The following TTC28 variants were observed in gnomAD, a reference collection of about 807,000 sequenced individuals.
TTC28 encodes the protein tetratricopeptide repeat protein 28.
Under a neutral mutation model 198.0 loss-of-function variants are expected in TTC28, and 61 were observed. That is an observed-to-expected ratio of 0.31 (90% CI 0.25 to 0.38). TTC28 has a LOEUF of 0.38. Among genes scored for constraint, TTC28 ranks in the 10% least tolerant of loss-of-function variants. The pLI, the probability that TTC28 is intolerant of heterozygous loss-of-function variation, is 1.00. For synonymous variants in TTC28, 1,171 were observed against 1,297.8 expected (o/e 0.90, Z 2.10); for missense variants, 2,678 against 3,164.0 (o/e 0.85, Z 3.69).
At chr22:28,430,867 G>A (rs1200360087) in intron 2 of TTC28, among the ~76,000 whole-genome samples, 3 of 145,090 alleles carry the variant, frequency 2.1e-5, no homozygotes, top group Non-Finnish European at 3.0e-5. Context: ...GCCAAACTGA[G>A]ATTCCTTACC....
intron 2 of TTC28, among the ~76,000 whole-genome samples, chr22:28,408,361 T>C (rs2047030953): frequency 6.6e-6 from 1 of 152,052 alleles, no homozygotes. Flanking sequence ...ATAAACACAA[T>C]TAGAAAACAC....
At chr22:28,066,122 A>AT (rs908420235) in intron 12 of TTC28, among the ~76,000 whole-genome samples, 3 of 151,346 alleles carry the variant, frequency 2.0e-5, no homozygotes, top group African/African-American at 4.9e-5. Context: ...AGATATCTCT[A>AT]TTTTTTTTTC....
At chr22:28,142,195 A>G (rs1423395503) in intron 6 of TTC28, among the ~76,000 whole-genome samples, 3 of 152,240 alleles carry the variant, frequency 2.0e-5, no homozygotes, top group Non-Finnish European at 4.4e-5. Context: ...TGCTTTATTC[A>G]GGCAAAGTAA....
chr22:28,347,047 G>A (rs2045913095), intron 2 of TTC28, among the ~76,000 whole-genome samples: 1 of 152,118 alleles, frequency 6.6e-6, no homozygotes, highest in Admixed American at 6.5e-5. Flanking sequence ...CAGATCACTT[G>A]AGGTCAGGAG....
chr22:28,232,591 A>T (rs1928896121), intron 5 of TTC28, among the ~76,000 whole-genome samples: 1 of 152,204 alleles, frequency 6.6e-6, no homozygotes, highest in South Asian at 2.1e-4. Flanking sequence ...AAACCAACAG[A>T]ACCCAACTAT....
intron 2 of TTC28, among the ~76,000 whole-genome samples, chr22:28,466,921 G>A: frequency 6.6e-6 from 1 of 151,766 alleles, no homozygotes; most frequent in Non-Finnish European, 1.5e-5. Flanking sequence ...GGAGGCAACT[G>A]TCACTTTAAT....
chr22:28,486,417 G>T (rs2048315658), intron 2 of TTC28, among the ~76,000 whole-genome samples: 1 of 152,082 alleles, frequency 6.6e-6, no homozygotes, highest in Non-Finnish European at 1.5e-5. Context: ...TGTCCCAAGT[G>T]GCAAAGTCAA....
rs542435905 is a variant in TTC28, at chr22:28,142,997, C to T, written c.1441+20095G>A. On this transcript the variant is annotated intron_variant, in intron 6 of 22. Coordinates refer to ENST00000397906, the MANE Select transcript of TTC28 (RefSeq NM_001145418.2). ...TGTGAAATGTCCTTCAACAACAGCA[C>T]TTGGATAGTGGTCGCATTTTCTGTT... Among the ~76,000 whole-genome samples, 4 of 152,270 alleles carry T rather than the reference C, an allele frequency of 2.6e-5. No homozygotes were observed. In the South Asian group the frequency reaches 6.2e-4, roughly 24 times the overall value.
chr22:28,304,182 G>A (rs1307346597), intron 3 of TTC28, among the ~76,000 whole-genome samples: 3 of 152,072 alleles, frequency 2.0e-5, no homozygotes, highest in Non-Finnish European at 4.4e-5. Context: ...CTACTCAGGA[G>A]GCTGAGGCAG....
At chr22:28,109,522 A>C (rs1396726224) in intron 6 of TTC28, among the ~76,000 whole-genome samples, 1 of 152,244 alleles carries the variant, frequency 6.6e-6, no homozygotes, top group Non-Finnish European at 1.5e-5. Context: ...TTTTACAATC[A>C]ACAATAACAG....
intron 5 of TTC28, among the ~76,000 whole-genome samples, chr22:28,200,075 T>C (rs1925791954): frequency 6.6e-6 from 1 of 152,146 alleles, no homozygotes; most frequent in Admixed American, 6.6e-5. Flanking sequence ...AAATAAAACT[T>C]TATTTTTATA....
intron 2 of TTC28, among the ~76,000 whole-genome samples, chr22:28,559,456 C>A (rs559709362): frequency 6.6e-6 from 1 of 152,278 alleles, no homozygotes; most frequent in African/African-American, 2.4e-5. Flanking sequence ...TCAGCCCATA[C>A]CCAATTACCA....
At chr22:28,475,149 C>CAAAAAAAAAAAAAA (rs386395148) in intron 2 of TTC28, among the ~76,000 whole-genome samples, 43 of 64,942 alleles carry the variant, frequency 6.6e-4, no homozygotes, top group Non-Finnish European at 7.4e-4. Context: ...GACTCCATCT[C>CAAAAAAAAAAAAAA]AAAAAAAAAA....
At chr22:28,037,229 G>A (rs910876735) in intron 12 of TTC28, among the ~76,000 whole-genome samples, 1 of 152,110 alleles carries the variant, frequency 6.6e-6, no homozygotes, top group Non-Finnish European at 1.5e-5. Context: ...GAGAATTTTA[G>A]GCCAATATCC....
chr22:27,992,535 C>T, intron 19 of TTC28, 52 bp downstream of exon 19: 1 of 1,537,114 alleles, frequency 6.5e-7, no homozygotes, highest in South Asian at 1.2e-5. Flanking sequence ...CTCTGCCTTT[C>T]CAAATCAGCA....
At chr22:28,355,891 G>A (rs948138026) in intron 2 of TTC28, among the ~76,000 whole-genome samples, 6 of 152,160 alleles carry the variant, frequency 3.9e-5, no homozygotes, top group Admixed American at 6.5e-5. Context: ...CCACTGCAGC[G>A]GGGAGAAGAT....
At chr22:28,056,256 T>G (rs1940283963) in intron 12 of TTC28, 4 of 152,322 alleles carry the variant, frequency 2.6e-5, no homozygotes, top group African/African-American at 9.6e-5. Context: ...TCACCAGCTC[T>G]ATTTCTGACC....
At chr22:28,251,661 A>G (rs1930521488) in intron 5 of TTC28, among the ~76,000 whole-genome samples, 1 of 152,182 alleles carries the variant, frequency 6.6e-6, no homozygotes, top group Non-Finnish European at 1.5e-5. Context: ...GATTTATTTA[A>G]CCTTTTTGAG....
At chr22:28,004,280 C>T (rs768696986) in intron 14 of TTC28, among the ~76,000 whole-genome samples, 6 of 152,168 alleles carry the variant, frequency 3.9e-5, no homozygotes, top group Non-Finnish European at 7.3e-5. Flanking sequence ...TGTCAGGACC[C>T]GCCATGCCTT....
Sources: gnomAD v4.1 joint callset for allele counts (sites outside exome capture counted in the v4.1 genomes callset) on GRCh38, gnomAD v4.1.1 for gene constraint, MANE v1.5 for transcripts, NCBI Gene and HGNC (gene_info 2026-07-23, HGNC 2026-07-21) for gene names.